The following TBC1D22A variants were observed in gnomAD, a reference collection of about 807,000 sequenced individuals.
TBC1D22A encodes the protein TBC1 domain family member 22A.
In TBC1D22A, 38 loss-of-function variants were observed where a neutral mutation model predicts 60.2. That is an observed-to-expected ratio of 0.63 (90% CI 0.49 to 0.83). The LOEUF (loss-of-function observed/expected upper bound fraction) is 0.83, where lower values mean the gene tolerates loss of function less well. Ranked by LOEUF, TBC1D22A falls within the 40% of genes least tolerant of loss-of-function variation. TBC1D22A has a pLI of 0.00. For missense variants in TBC1D22A, 628 were observed against 701.0 expected (o/e 0.90, Z 1.18); for synonymous variants, 302 against 281.7 (o/e 1.07, Z -0.72).
chr22:46,970,747 T>A (rs136106), intron 8 of TBC1D22A, among the ~76,000 whole-genome samples: 67,508 of 152,068 alleles, frequency 0.44, 17,012 homozygotes, highest in African/African-American at 0.7. Flanking sequence ...GACCATTCTC[T>A]CCCCACAGTG....
chr22:47,106,270 A>G (rs2065629414), intron 11 of TBC1D22A, among the ~76,000 whole-genome samples: 1 of 152,232 alleles, frequency 6.6e-6, no homozygotes, highest in African/African-American at 2.4e-5. Context: ...ATAGGAGATA[A>G]TGGATGACCA....
chr22:46,775,829 TG>T (rs2083680741), intron 1 of TBC1D22A, among the ~76,000 whole-genome samples: 1 of 152,264 alleles, frequency 6.6e-6, no homozygotes, highest in Non-Finnish European at 1.5e-5. Flanking sequence ...GAGAATGTGC[TG>T]TGTTCTTGGA....
chr22:47,147,429 G>C (rs564242831), intron 12 of TBC1D22A, among the ~76,000 whole-genome samples: 1 of 152,332 alleles, frequency 6.6e-6, no homozygotes, highest in South Asian at 2.1e-4. Context: ...CCTGCTGCCG[G>C]CCTGGTATAT....
chr22:46,832,815 G>A (rs2086368192), intron 4 of TBC1D22A, among the ~76,000 whole-genome samples: 1 of 152,174 alleles, frequency 6.6e-6, no homozygotes, highest in African/African-American at 2.4e-5. Context: ...ATTCTCACTG[G>A]TCAGACTTTG....
At chr22:47,032,605 C>G (rs1384333217) in intron 10 of TBC1D22A, among the ~76,000 whole-genome samples, 1 of 152,222 alleles carries the variant, frequency 6.6e-6, no homozygotes, top group Non-Finnish European at 1.5e-5. Context: ...CACTCGTGTC[C>G]TGGTGATTAG....
At chr22:46,968,637 G>C (rs567906490) in intron 8 of TBC1D22A, among the ~76,000 whole-genome samples, 1 of 151,830 alleles carries the variant, frequency 6.6e-6, no homozygotes, top group African/African-American at 2.4e-5. Flanking sequence ...GAGTGGGCAG[G>C]CGTCCTCACT....
chr22:47,086,193 G>T (rs1000292952), intron 11 of TBC1D22A, among the ~76,000 whole-genome samples: 14 of 152,166 alleles, frequency 9.2e-5, no homozygotes, highest in African/African-American at 3.4e-4. Context: ...GGCCGAGCGC[G>T]GTGGCTCATG....
intron 12 of TBC1D22A, among the ~76,000 whole-genome samples, chr22:47,154,408 G>A (rs932192246): frequency 1.3e-5 from 2 of 152,192 alleles, no homozygotes; most frequent in Non-Finnish European, 2.9e-5. Context: ...CTTGTCACGC[G>A]CGGGACACTG....
rs530810197 is a variant in TBC1D22A, at chr22:46,801,587, C to T, written c.637+3967C>T. Reference sequence around the variant, plus strand: ...CGGAAAATGACACTCAAGTTGGTCACATGTATCTGGTGAATGGTAGTGCGA... The same window carrying T: ...CGGAAAATGACACTCAAGTTGGTCATATGTATCTGGTGAATGGTAGTGCGA... On this transcript the variant is annotated intron_variant, in intron 4 of 12. Transcript: ENST00000337137. Among the ~76,000 whole-genome samples, 6 of 152,366 alleles carry T rather than the reference C, an allele frequency of 3.9e-5. No homozygotes were observed. The South Asian group carries it at 1.2e-3, about 32-fold the overall frequency.
intron 8 of TBC1D22A, among the ~76,000 whole-genome samples, chr22:46,944,678 G>C (rs898749852): frequency 1.3e-4 from 20 of 152,308 alleles, no homozygotes; most frequent in African/African-American, 4.6e-4. Flanking sequence ...GATTATAGGC[G>C]TGAGCCACCG....
At chr22:47,161,481 A>G (rs755760684) in intron 12 of TBC1D22A, among the ~76,000 whole-genome samples, 8 of 152,224 alleles carry the variant, frequency 5.3e-5, no homozygotes, top group Non-Finnish European at 8.8e-5. Context: ...CGTTACATGG[A>G]TAGACCAAAA....
At chr22:47,022,324 C>T (rs140582510) in intron 10 of TBC1D22A, among the ~76,000 whole-genome samples, 1 of 152,256 alleles carries the variant, frequency 6.6e-6, no homozygotes, top group African/African-American at 2.4e-5. Context: ...GCCGGGCCAT[C>T]CCTGGGAGGG....
chr22:47,024,007 G>T (rs1801084234), intron 10 of TBC1D22A, among the ~76,000 whole-genome samples: 1 of 152,220 alleles, frequency 6.6e-6, no homozygotes. Context: ...AACAATAACA[G>T]TGTACTGTGG....
chr22:47,082,788 TAA>T (rs1412098971), intron 11 of TBC1D22A, among the ~76,000 whole-genome samples: 2 of 152,224 alleles, frequency 1.3e-5, no homozygotes, highest in East Asian at 3.8e-4. Flanking sequence ...ATGGGAATGT[TAA>T]GTGGTACCAC....
intron 8 of TBC1D22A, among the ~76,000 whole-genome samples, chr22:46,935,876 C>T (rs1341138253): frequency 1.3e-5 from 2 of 151,468 alleles, no homozygotes; most frequent in Non-Finnish European, 2.9e-5. Flanking sequence ...GTAGCCTTTG[C>T]TGTCGCGCTG....
intron 12 of TBC1D22A, among the ~76,000 whole-genome samples, chr22:47,167,461 G>T (rs1039627700): frequency 8.5e-5 from 13 of 152,196 alleles, no homozygotes; most frequent in Non-Finnish European, 1.5e-4. Flanking sequence ...CAAGTGGGAG[G>T]GAGGGTTACA....
chr22:46,798,534 G>A (rs189322517), intron 4 of TBC1D22A, among the ~76,000 whole-genome samples: 49 of 152,358 alleles, frequency 3.2e-4, no homozygotes, highest in Non-Finnish European at 5.9e-4. Context: ...TCTGTGGAAC[G>A]CACTTGCTTT....
intron 7 of TBC1D22A, among the ~76,000 whole-genome samples, chr22:46,895,937 A>C (rs2068652710): frequency 6.6e-6 from 1 of 152,074 alleles, no homozygotes; most frequent in Non-Finnish European, 1.5e-5. Flanking sequence ...CCTTCAAGAT[A>C]ATGTCCACAA....
intron 12 of TBC1D22A, among the ~76,000 whole-genome samples, chr22:47,166,583 C>T (rs910270144): frequency 6.6e-6 from 1 of 152,220 alleles, no homozygotes; most frequent in Non-Finnish European, 1.5e-5. Flanking sequence ...GGTTCCATTA[C>T]GCTTCTCTGC....
Sources: gnomAD v4.1 joint callset for allele counts (sites outside exome capture counted in the v4.1 genomes callset) on GRCh38, gnomAD v4.1.1 for gene constraint, MANE v1.5 for transcripts, NCBI Gene and HGNC (gene_info 2026-07-23, HGNC 2026-07-21) for gene names.